The following TMEM196 variants were observed in gnomAD, a reference collection of about 807,000 sequenced individuals.
TMEM196 encodes transmembrane protein 196.
TMEM196 carries 17 observed loss-of-function variants against 20.0 expected under a neutral mutation model. The observed-to-expected ratio is 0.85, with a 90% confidence interval of 0.58 to 1.27. The LOEUF (loss-of-function observed/expected upper bound fraction) is 1.27. TMEM196 is among the 50% of genes most tolerant of loss of function. The pLI is 0.00. For synonymous variants in TMEM196, 113 were observed against 88.9 expected (o/e 1.27, Z -1.52); for missense variants, 267 against 223.0 (o/e 1.20, Z -1.26).
intron 1 of TMEM196, among the ~76,000 whole-genome samples, chr7:19,740,318 T>C (rs1784542231): frequency 6.6e-6 from 1 of 152,178 alleles, no homozygotes; most frequent in African/African-American, 2.4e-5. Context: ...TATACAAGTT[T>C]GCTCATACAT....
intron 1 of TMEM196, among the ~76,000 whole-genome samples, chr7:19,749,649 T>C (rs765934742): frequency 6.6e-6 from 1 of 152,208 alleles, no homozygotes; most frequent in Non-Finnish European, 1.5e-5. Context: ...TCTCTTTCAA[T>C]GCAAGGAGAG....
In TMEM196 at chr7:19,720,537, C is replaced by T. The variant is rs1026726736; in HGVS notation, c.*1591G>A. The stretch of plus-strand genomic sequence containing the variant: ...AGATTTGAGGAAAAAGAAAAGTATA[C>T]AATATAGTGAGAGTTATGTATTTAA... On this transcript the variant is annotated 3_prime_UTR_variant, in exon 5 of 5. Coordinates refer to ENST00000405844, the MANE Select transcript of TMEM196 (RefSeq NM_001363562.2). 1 of 151,778 alleles carries T rather than the reference C, an allele frequency of 6.6e-6. No individual in the cohort carries two copies. The highest frequency in any genetic ancestry group is 1.5e-5 in the Non-Finnish European group (1 of 67,834). The allele number at this position is 151,778 out of a possible 1,614,324, so 9.4% of individuals were successfully genotyped here.
At chr7:19,724,066 T>C (rs1028863962) in intron 4 of TMEM196, among the ~76,000 whole-genome samples, 1 of 151,950 alleles carries the variant, frequency 6.6e-6, no homozygotes, top group Non-Finnish European at 1.5e-5. Context: ...GCGGGCTGAG[T>C]ATTTTACATA....
In TMEM196 at chr7:19,756,500, C is replaced by T. The variant is rs535816519; in HGVS notation, c.147+16050G>A. On this transcript the variant is annotated intron_variant, in intron 1 of 4. Coordinates refer to ENST00000405844, the MANE Select transcript of TMEM196 (RefSeq NM_001363562.2). ...AAGCCTAGATTCATTAGTTATTTTT[C>T]CTGATCCTCTCCCTCCTCCCATCGT... 2.6e-4 allele frequency among the ~76,000 whole-genome samples: 40 copies of T among 152,040 alleles called. No homozygotes were observed. In the East Asian group the frequency reaches 7.4e-3, roughly 28 times the overall value.
At chr7:19,729,748 T>C (rs998449378) in intron 1 of TMEM196, among the ~76,000 whole-genome samples, 9 of 152,352 alleles carry the variant, frequency 5.9e-5, no homozygotes, top group Middle Eastern at 3.4e-3. Context: ...TCCTTTCTAC[T>C]TTCTCAGGGA....
chr7:19,724,001 G>C (rs906561730), intron 4 of TMEM196, among the ~76,000 whole-genome samples: 3 of 151,890 alleles, frequency 2.0e-5, no homozygotes, highest in Non-Finnish European at 2.9e-5. Context: ...TGAAGTAGCA[G>C]ACAATAAAAG....
chr7:19,768,171 A>C (rs1785712013), intron 1 of TMEM196, among the ~76,000 whole-genome samples: 1 of 152,124 alleles, frequency 6.6e-6, no homozygotes, highest in Admixed American at 6.5e-5. Flanking sequence ...AAACCTGTAA[A>C]CATTAAATGA....
At chr7:19,730,194 T>C (rs1182097919) in intron 1 of TMEM196, among the ~76,000 whole-genome samples, 2 of 150,904 alleles carry the variant, frequency 1.3e-5, no homozygotes, top group Non-Finnish European at 2.9e-5. Context: ...AGGCGAGGCT[T>C]GCAGTGAGCC....
intron 1 of TMEM196, among the ~76,000 whole-genome samples, chr7:19,742,855 T>C (rs1784625681): frequency 6.6e-6 from 1 of 152,160 alleles, no homozygotes; most frequent in Admixed American, 6.5e-5. Context: ...TCACATACTC[T>C]AAGGACTCCC....
intron 1 of TMEM196, among the ~76,000 whole-genome samples, chr7:19,752,621 CTTTCTTTTTTTG>C (rs1363674102): frequency 1.3e-5 from 2 of 150,212 alleles, no homozygotes; most frequent in Non-Finnish European, 3.0e-5. Flanking sequence ...TTCTTTCTTT[CTTTCTTTTTTTG>C]AGATGGAATC....
intron 1 of TMEM196, among the ~76,000 whole-genome samples, chr7:19,770,953 G>C (rs1378791701): frequency 6.6e-6 from 1 of 151,892 alleles, no homozygotes; most frequent in African/African-American, 2.4e-5. Flanking sequence ...AATTTCGTTG[G>C]GGGCGGGGAT....
intron 1 of TMEM196, among the ~76,000 whole-genome samples, chr7:19,735,853 A>C (rs1313535786): frequency 6.6e-6 from 1 of 152,146 alleles, no homozygotes; most frequent in Admixed American, 6.6e-5. Context: ...GAGGAGATAT[A>C]CTCATTAGAA....
Position 19,772,593 on chromosome 7 carries a change from A to G in TMEM196, c.104T>C (p.Leu35Pro), listed in dbSNP as rs1309209792. The stretch of plus-strand genomic sequence containing the variant: ...CTGCGGCTTGTGCTCTCGGAGGGCC[A>G]GGCTGAAGCTGACCGCCCCCACGGC... ...SVAVGAVSFSLALREHKPQLG... is the reference protein window; with the variant it reads ...SVAVGAVSFSPALREHKPQLG... Residue 35 changes from leucine (L) to proline (P), a missense_variant, in exon 1 of 5, where the codon CTG becomes CCG. Physicochemically the swap from Leu to Pro is moderately conservative, Grantham distance 98. Coordinates refer to ENST00000405844, the MANE Select transcript of TMEM196 (RefSeq NM_001363562.2). The G allele has an allele frequency of 1.2e-5, 18 of 1,546,884 alleles. No homozygotes were observed. The highest frequency in any genetic ancestry group is 1.6e-5 in the Non-Finnish European group (18 of 1,145,812).
At chr7:19,751,100 AT>A (rs1583445761) in intron 1 of TMEM196, among the ~76,000 whole-genome samples, 1 of 152,196 alleles carries the variant, frequency 6.6e-6, no homozygotes, top group South Asian at 2.1e-4. Flanking sequence ...GAATGGCATG[AT>A]TTTTCCACTA....
At chr7:19,767,747 C>T (rs1291017673) in intron 1 of TMEM196, among the ~76,000 whole-genome samples, 1 of 151,966 alleles carries the variant, frequency 6.6e-6, no homozygotes, top group Non-Finnish European at 1.5e-5. Flanking sequence ...GGATATGAAT[C>T]CCTTATGTTA....
intron 1 of TMEM196, among the ~76,000 whole-genome samples, chr7:19,769,604 A>G (rs879511015): frequency 6.6e-6 from 1 of 152,158 alleles, no homozygotes; most frequent in Admixed American, 6.6e-5. Context: ...TGCTTACTAC[A>G]GTCCATTCAA....
chr7:19,739,015 A>AGC (rs1463637103), intron 1 of TMEM196, among the ~76,000 whole-genome samples: 2 of 152,192 alleles, frequency 1.3e-5, no homozygotes, highest in Non-Finnish European at 1.5e-5. Flanking sequence ...GGTCAATGCC[A>AGC]ACAGTGATAA....
intron 1 of TMEM196, among the ~76,000 whole-genome samples, chr7:19,733,845 C>T (rs1784298473): frequency 6.6e-6 from 1 of 152,074 alleles, no homozygotes; most frequent in Non-Finnish European, 1.5e-5. Context: ...CTGAGAAAGC[C>T]CCACACCTGA....
chr7:19,732,577 A>AC (rs1784244910), intron 1 of TMEM196, among the ~76,000 whole-genome samples: 1 of 134,432 alleles, frequency 7.4e-6, no homozygotes, highest in Non-Finnish European at 1.6e-5. Context: ...CATCTCAAAA[A>AC]AAAAAAACAA....
Sources: allele counts gnomAD v4.1 joint callset (sites outside exome capture counted in the v4.1 genomes callset), GRCh38; gene constraint gnomAD v4.1.1; transcripts MANE v1.5; gene names NCBI Gene and HGNC (gene_info 2026-07-23, HGNC 2026-07-21).